The following CNOT4 variants were observed in gnomAD, a reference collection of about 807,000 sequenced individuals.
CNOT4 encodes CCR4-NOT transcription complex subunit 4, also known as CCR4-associated factor 4.
In CNOT4, 8 loss-of-function variants were observed where a neutral mutation model predicts 73.8. The ratio of observed to expected loss-of-function variants is 0.11; its 90% CI spans 0.06 to 0.20. The LOEUF is 0.20. CNOT4 is among the 10% of genes least tolerant of loss of function. CNOT4 has a pLI of 1.00. For synonymous variants in CNOT4, 293 were observed against 321.1 expected (o/e 0.91, Z 0.94); for missense variants, 564 against 883.4 (o/e 0.64, Z 4.58).
intron 10 of CNOT4, chr7:135,388,014 T>C: frequency 1.0e-6 from 1 of 985,264 alleles, no homozygotes; most frequent in African/African-American, 1.7e-5. Flanking sequence ...CTATGGTTGC[T>C]TTTCACATAC....
intron 10 of CNOT4, among the ~76,000 whole-genome samples, chr7:135,377,966 C>T (rs976066020): frequency 2.0e-5 from 3 of 152,070 alleles, no homozygotes; most frequent in Admixed American, 1.3e-4. Context: ...AACTGTTTTA[C>T]TGAAAAAAAT....
At chr7:135,401,586 T>A (rs545528383) in intron 7 of CNOT4, among the ~76,000 whole-genome samples, 22 of 152,228 alleles carry the variant, frequency 1.4e-4, no homozygotes, top group Middle Eastern at 3.4e-3. Flanking sequence ...AGATTTTTTT[T>A]AAAAAAACCA....
At chr7:135,445,973 CT>C (rs1799800825) in intron 1 of CNOT4, among the ~76,000 whole-genome samples, 1 of 152,158 alleles carries the variant, frequency 6.6e-6, no homozygotes, top group Non-Finnish European at 1.5e-5. Context: ...AAATGCTGGG[CT>C]TTATAAAGCA....
chr7:135,389,094 C>A (rs1285052502), intron 10 of CNOT4, among the ~76,000 whole-genome samples: 1 of 146,518 alleles, frequency 6.8e-6, no homozygotes, highest in Non-Finnish European at 1.5e-5. Context: ...CTAAATATAT[C>A]CTGAGTAATA....
At position 135,363,280 on chromosome 7, in the gene CNOT4, A is replaced by C; in HGVS notation, c.1841-94T>G. The C allele has an allele frequency of 8.6e-7, 1 of 1,165,250 alleles. No individual in the cohort carries two copies. The highest frequency in any genetic ancestry group is 1.3e-6 in the Non-Finnish European group (1 of 797,098). 72.2% of individuals were successfully genotyped at this position (1,165,250 alleles called of 1,614,324 possible). ...ATTTAGAAAGCAAAACCAAAAGGAA[A>C]GACAGAAGAGATTACAATTTTAAAC... is the stretch of plus-strand genomic sequence containing the variant. On this transcript the variant is annotated intron_variant, in intron 11 of 11. Transcript: ENST00000541284. The surrounding 1 kb of genome is among the most constrained non-coding windows in gnomAD (Gnocchi z 4.3).
chr7:135,389,259 G>A (rs1796279576), intron 10 of CNOT4, among the ~76,000 whole-genome samples: 2 of 148,662 alleles, frequency 1.3e-5, no homozygotes, highest in African/African-American at 5.0e-5. Context: ...ATAGTATTTT[G>A]TGAAAAAATT....
intron 1 of CNOT4, among the ~76,000 whole-genome samples, chr7:135,474,098 G>C (rs1801827216): frequency 6.7e-6 from 1 of 149,670 alleles, no homozygotes; most frequent in South Asian, 2.1e-4. Flanking sequence ...TCCTGCCTCA[G>C]CCTCCCGAGT....
intron 7 of CNOT4, among the ~76,000 whole-genome samples, chr7:135,400,881 A>G (rs562614826): frequency 9.2e-5 from 14 of 152,304 alleles, no homozygotes; most frequent in African/African-American, 3.1e-4. Context: ...AAATTAAAGG[A>G]ATAATAAATG....
chr7:135,498,078 CA>C lies in CNOT4; in HGVS notation c.-93+11810del, dbSNP rs377620159. On this transcript the variant is annotated intron_variant, in intron 1 of 11. Transcript: ENST00000541284. ...TTTTACAAATGAGGAAGCTGAGTCC[CA>C]AAGACGGTAAAGTAACAACCTAGGT... Among the ~76,000 whole-genome samples the C allele has an allele frequency of 8.5e-5, 13 of 152,196 alleles. No homozygotes were observed. In the South Asian group the frequency reaches 2.1e-3, roughly 24 times the overall value.
intron 1 of CNOT4, among the ~76,000 whole-genome samples, chr7:135,490,558 C>A (rs990038272): frequency 1.3e-5 from 2 of 152,002 alleles, no homozygotes; most frequent in African/African-American, 2.4e-5. Flanking sequence ...ACAAATATGT[C>A]TTTTCGTGCA....
At chr7:135,366,583 G>A (rs1341499158) in intron 10 of CNOT4, among the ~76,000 whole-genome samples, 1 of 152,124 alleles carries the variant, frequency 6.6e-6, no homozygotes, top group Non-Finnish European at 1.5e-5. Context: ...AAATTAGCTA[G>A]TTTATAATGC....
At chr7:135,413,449 C>T (rs1178100226) in intron 6 of CNOT4, 39 bp downstream of exon 6, 2 of 1,596,624 alleles carry the variant, frequency 1.3e-6, no homozygotes, top group Admixed American at 1.8e-5. Flanking sequence ...AAAAGTACTC[C>T]CTTTTCTGCA....
chr7:135,464,828 T>C (rs1801119143), intron 1 of CNOT4, among the ~76,000 whole-genome samples: 1 of 152,158 alleles, frequency 6.6e-6, no homozygotes, highest in South Asian at 2.1e-4. Context: ...AAAACTGTTA[T>C]TTAATAAAGC....
chr7:135,383,264 A>G (rs1348158046), intron 10 of CNOT4, among the ~76,000 whole-genome samples: 1 of 152,200 alleles, frequency 6.6e-6, no homozygotes, highest in African/African-American at 2.4e-5. Context: ...GGGAGAAGCT[A>G]TATTACCTGT....
intron 10 of CNOT4, chr7:135,388,816 C>T (rs1796252570): frequency 1.2e-6 from 2 of 1,612,962 alleles, no homozygotes; most frequent in African/African-American, 2.7e-5. Flanking sequence ...AGTGTGGAGA[C>T]TTGTAGGCTG....
rs1794837665 is a variant in CNOT4, at chr7:135,364,981, G to A, written c.1628-915C>T. Among the ~76,000 whole-genome samples the A allele has an allele frequency of 6.6e-6, 1 of 152,140 alleles. No homozygotes were observed. The highest frequency in any genetic ancestry group is 6.5e-5 in the Admixed American group (1 of 15,274). The stretch of plus-strand genomic sequence containing the variant: ...GATAGTTGTTTTATTTTTGAAAATA[G>A]CAATGTAAGTCAAATTACAAACTGG... On this transcript the variant is annotated intron_variant, in intron 10 of 11. Transcript: ENST00000541284. This position sits in a 1 kb window ranked among gnomAD's most constrained non-coding sequence, Gnocchi z 4.3.
chr7:135,498,691 G>C (rs1196628821), intron 1 of CNOT4, among the ~76,000 whole-genome samples: 1 of 152,146 alleles, frequency 6.6e-6, no homozygotes. Context: ...TGGGATTACA[G>C]GCACATGCCA....
chr7:135,462,404 C>T (rs866403002), intron 1 of CNOT4, among the ~76,000 whole-genome samples: 1 of 152,084 alleles, frequency 6.6e-6, no homozygotes, highest in African/African-American at 2.4e-5. Context: ...AAAAGGTCCA[C>T]TTTACAGTCA....
At chr7:135,410,939 CAT>C (rs1797558191) in intron 6 of CNOT4, among the ~76,000 whole-genome samples, 3 of 151,588 alleles carry the variant, frequency 2.0e-5, no homozygotes, top group Non-Finnish European at 4.4e-5. Flanking sequence ...TACAGAAAAG[CAT>C]ATTAAGGGAA....
Sources: allele counts gnomAD v4.1 joint callset (sites outside exome capture counted in the v4.1 genomes callset), GRCh38; gene constraint gnomAD v4.1.1; non-coding constraint Gnocchi (gnomAD v3.1); transcripts MANE v1.5; gene names NCBI Gene and HGNC (gene_info 2026-07-23, HGNC 2026-07-21).